Variants in CERS6 observed in about 807,000 individuals in gnomAD.
The protein encoded by CERS6 is LAG1 homolog, ceramide synthase 6.
Under a neutral mutation model 56.8 loss-of-function variants are expected in CERS6, and 26 were observed. That is an observed-to-expected ratio of 0.46 (90% confidence interval 0.34 to 0.63). CERS6 has a LOEUF of 0.63. Among genes scored for constraint, CERS6 ranks in the 30% least tolerant of loss-of-function variants. The probability of loss-of-function intolerance (pLI) is 0.01; values close to 1 mark genes in which losing one functional copy is unlikely to be tolerated. For synonymous variants in CERS6, 164 were observed against 173.3 expected (o/e 0.95, Z 0.42); for missense variants, 415 against 467.5 (o/e 0.89, Z 1.04).
intron 3 of CERS6, among the ~76,000 whole-genome samples, chr2:168,568,927 C>T (rs1158274495): frequency 6.6e-6 from 1 of 152,172 alleles, no homozygotes; most frequent in African/African-American, 2.4e-5. Flanking sequence ...AGCTAGGAAC[C>T]TAATAAAAAC....
intron 4 of CERS6, among the ~76,000 whole-genome samples, chr2:168,670,466 A>G (rs1240088348): frequency 6.6e-6 from 1 of 152,210 alleles, no homozygotes; most frequent in African/African-American, 2.4e-5. Flanking sequence ...TCACAAGGTG[A>G]CACACAAACT....
chr2:168,548,391 A>G (rs1039156627), intron 2 of CERS6, among the ~76,000 whole-genome samples: 1 of 152,194 alleles, frequency 6.6e-6, no homozygotes, highest in Non-Finnish European at 1.5e-5. Context: ...TCTCCTTCAG[A>G]ACAAAGAGGG....
chr2:168,759,939 C>T (rs1183242543), intron 8 of CERS6, among the ~76,000 whole-genome samples: 1 of 151,124 alleles, frequency 6.6e-6, no homozygotes, highest in Non-Finnish European at 1.5e-5. Context: ...CCACAGGGTA[C>T]TGTCTTCCAT....
chr2:168,585,825 G>A (rs944225152), intron 3 of CERS6, among the ~76,000 whole-genome samples: 1 of 152,156 alleles, frequency 6.6e-6, no homozygotes, highest in African/African-American at 2.4e-5. Flanking sequence ...CTTGGGCCAC[G>A]TCTCCCTGTG....
intron 8 of CERS6, among the ~76,000 whole-genome samples, chr2:168,762,451 C>CATATTAATGCATATTAA (rs1684610912): frequency 6.6e-6 from 1 of 152,056 alleles, no homozygotes; most frequent in Non-Finnish European, 1.5e-5. Context: ...TATTAATATG[C>CATATTAATGCATATTAA]TGATTTGAAA....
chr2:168,634,905 T>G (rs1209581143), intron 4 of CERS6, among the ~76,000 whole-genome samples: 7 of 152,204 alleles, frequency 4.6e-5, no homozygotes, highest in Non-Finnish European at 1.0e-4. Context: ...CAAGCCTGTG[T>G]TGCTCAAAGT....
At chr2:168,761,539 A>G (rs890598983) in intron 8 of CERS6, among the ~76,000 whole-genome samples, 2 of 152,204 alleles carry the variant, frequency 1.3e-5, no homozygotes, top group African/African-American at 2.4e-5. Context: ...CTGAATATCA[A>G]TATGTGTAGT....
At chr2:168,711,532 G>A (rs1424776132) in intron 6 of CERS6, among the ~76,000 whole-genome samples, 2 of 151,998 alleles carry the variant, frequency 1.3e-5, no homozygotes, top group Non-Finnish European at 2.9e-5. Context: ...TCAGGTGTTC[G>A]AGACCAGTCT....
chr2:168,698,421 GT>G (rs1375526413), intron 6 of CERS6, among the ~76,000 whole-genome samples: 4 of 152,104 alleles, frequency 2.6e-5, no homozygotes, highest in South Asian at 4.1e-4. Flanking sequence ...ATAGCAGAAG[GT>G]GAAGGAGAAG....
chr2:168,698,595 C>G (rs946951984), intron 6 of CERS6, among the ~76,000 whole-genome samples: 1 of 152,154 alleles, frequency 6.6e-6, no homozygotes, highest in Non-Finnish European at 1.5e-5. Context: ...TCACCTCCCA[C>G]CAGGCCCCTT....
At chr2:168,640,912 A>G (rs1039014304) in intron 4 of CERS6, among the ~76,000 whole-genome samples, 6 of 152,138 alleles carry the variant, frequency 3.9e-5, no homozygotes, top group African/African-American at 1.4e-4. Context: ...CTGTACCACT[A>G]ACCCATGTCT....
At chr2:168,721,660 C>T (rs1231906548) in intron 8 of CERS6, among the ~76,000 whole-genome samples, 1 of 148,616 alleles carries the variant, frequency 6.7e-6, no homozygotes, top group South Asian at 2.1e-4. Flanking sequence ...GCTCTGTTGG[C>T]CAGGCTGGGC....
rs556745413 is a variant in CERS6 at position 168,650,665 on chromosome 2, C to A, written c.465+19623C>A. On this transcript the variant is annotated intron_variant, in intron 4 of 9. Coordinates refer to ENST00000305747, the MANE Select transcript of CERS6 (RefSeq NM_203463.3). ...TGCTTTTATCTATCTTATCTGACTT[C>A]CGGTGAATTTTTTTTTTTAAATGAA... Among the ~76,000 whole-genome samples the A allele has an allele frequency of 3.5e-5, 3 of 86,408 alleles. No individual in the cohort carries two copies. In the South Asian group the frequency reaches 1.7e-3, roughly 50 times the overall value. 56.7% of individuals were successfully genotyped at this position (86,408 alleles called of 152,430 possible). A position where few individuals can be genotyped will look rare whatever the true frequency, so the allele number is the denominator to read the frequency against.
intron 8 of CERS6, among the ~76,000 whole-genome samples, chr2:168,751,177 G>T (rs1574219590): frequency 6.6e-6 from 1 of 152,276 alleles, no homozygotes; most frequent in Middle Eastern, 3.4e-3. Flanking sequence ...AAAAGAATCT[G>T]CAGGCTAGAA....
Position 168,717,859 on chromosome 2 carries a change from C to T in CERS6, c.739-13C>T. ...TTAACTACATTAATATATCACATTCCTTTCTTTCATAGGCTGCCAAAATGG... is the reference window on the plus strand; with the variant it reads ...TTAACTACATTAATATATCACATTCTTTTCTTTCATAGGCTGCCAAAATGG... On this transcript the variant is annotated splice_polypyrimidine_tract_variant and intron_variant, in intron 7 of 9. Transcript: ENST00000305747. 1 of 1,597,090 alleles carries T rather than the reference C, an allele frequency of 6.3e-7. No individual in the cohort carries two copies. The highest frequency in any genetic ancestry group is 8.6e-7 in the Non-Finnish European group (1 of 1,165,700).
intron 8 of CERS6, 94 bp downstream of exon 8, chr2:168,718,072 GGTT>G: frequency 1.2e-6 from 1 of 844,890 alleles, no homozygotes; most frequent in Non-Finnish European, 1.9e-6. Context: ...AGTATTTACA[GGTT>G]TAAATATATT....
At chr2:168,503,724 C>A (rs556368176) in intron 1 of CERS6, among the ~76,000 whole-genome samples, 1 of 152,178 alleles carries the variant, frequency 6.6e-6, no homozygotes, top group Non-Finnish European at 1.5e-5. Flanking sequence ...AAGAGGAGAT[C>A]ATAATTTGGC....
intron 8 of CERS6, among the ~76,000 whole-genome samples, chr2:168,745,246 A>ATT (rs577637175): frequency 0.19 from 18,190 of 97,632 alleles, 1,131 homozygotes; most frequent in East Asian, 0.32. Flanking sequence ...TCAGTTTAAA[A>ATT]ATTTTTTTTT....
At chr2:168,541,221 G>A (rs553179673) in intron 1 of CERS6, among the ~76,000 whole-genome samples, 1 of 152,136 alleles carries the variant, frequency 6.6e-6, no homozygotes, top group African/African-American at 2.4e-5. Flanking sequence ...TCCATGACCC[G>A]AACACCTTCC....
Sources: allele counts gnomAD v4.1 joint callset (sites outside exome capture counted in the v4.1 genomes callset), GRCh38; gene constraint gnomAD v4.1.1; transcripts MANE v1.5; gene names NCBI Gene and HGNC (gene_info 2026-07-23, HGNC 2026-07-21).